Variants in ARHGEF10 observed in about 807,000 individuals in gnomAD.
ARHGEF10 encodes Rho guanine nucleotide exchange factor (GEF) 10.
In ARHGEF10, 140 loss-of-function variants were observed where a neutral mutation model predicts 147.4. The observed-to-expected ratio is 0.95, with a 90% CI of 0.83 to 1.09. The LOEUF (loss-of-function observed/expected upper bound fraction) is 1.09, where lower values mean the gene tolerates loss of function less well. ARHGEF10 is among the 50% of genes least tolerant of loss of function. ARHGEF10 has a pLI of 0.00. For synonymous variants in ARHGEF10, 902 were observed against 695.8 expected, an observed-to-expected ratio of 1.30 and a Z score of -4.67; for missense variants, 2,222 against 1,752.7, an observed-to-expected ratio of 1.27 and a Z score of -4.78.
At chr8:1,889,256 G>A (rs1809162284) in intron 11 of ARHGEF10, among the ~76,000 whole-genome samples, 1 of 52,416 alleles carries the variant, frequency 1.9e-5, no homozygotes, top group African/African-American at 1.3e-4. Flanking sequence ...TGGGATGAGA[G>A]GTGTGAGGAG....
intron 6 of ARHGEF10, among the ~76,000 whole-genome samples, chr8:1,867,852 TG>T (rs1806754934): frequency 6.6e-6 from 1 of 152,264 alleles, no homozygotes; most frequent in African/African-American, 2.4e-5. Flanking sequence ...AACTGCCTCC[TG>T]GAAGTTTTCA....
intron 1 of ARHGEF10, among the ~76,000 whole-genome samples, chr8:1,839,253 CGCTGTGGGTACTGTCT>C (rs1803789295): frequency 8.8e-6 from 1 of 114,206 alleles, no homozygotes. Context: ...GGGGACTGTC[CGCTGTGGGTACTGTCT>C]GGTGTGGAAG....
At chr8:1,950,309 G>T (rs963406196) in intron 27 of ARHGEF10, among the ~76,000 whole-genome samples, 1 of 152,150 alleles carries the variant, frequency 6.6e-6, no homozygotes. Flanking sequence ...GGCACTCACC[G>T]CAGCCTCTGG....
intron 14 of ARHGEF10, 100 bp downstream of exon 14, chr8:1,896,549 A>G (rs2129161732): frequency 1.2e-6 from 1 of 846,988 alleles, no homozygotes; most frequent in South Asian, 1.4e-5. Flanking sequence ...TTAAGATTTC[A>G]GTATCAATAG....
intron 11 of ARHGEF10, among the ~76,000 whole-genome samples, chr8:1,889,155 G>GGGAA (rs1472284012): frequency 1.4e-4 from 15 of 104,496 alleles, no homozygotes; most frequent in African/African-American, 4.6e-4. Flanking sequence ...GGGTTGTGAG[G>GGGAA]AGACGCTGAG....
chr8:1,952,986 G>C (rs1306002951), intron 28 of ARHGEF10, among the ~76,000 whole-genome samples, 159 bp downstream of exon 28: 1 of 152,224 alleles, frequency 6.6e-6, no homozygotes, highest in African/African-American at 2.4e-5. Context: ...TGTTTAATTG[G>C]AATTATCAAT....
At position 1,926,377 on chromosome 8, in the gene ARHGEF10, AT is replaced by A. The variant is rs1367945355; in HGVS notation, c.2613del (p.Ile871MetfsTer12). On this transcript the variant is annotated frameshift_variant and splice_region_variant, in exon 23 of 29. Transcript: ENST00000349830. LOFTEE classifies it high-confidence loss of function. The stretch of plus-strand genomic sequence containing the variant: ...AGCGTTTGATTTTATTCCATTTTAG[AT>A]TGAATGTGCTGCTTATAACCCTGAA... Reference protein sequence around the residue: ...VMVAKQQEFKIECAAYNPEPY... With the variant: ...VMVAKQQEFKXECAAYNPEPY... 3 of 1,613,186 alleles carry A rather than the reference AT, an allele frequency of 1.9e-6. No individual in the cohort carries two copies. Among genetic ancestry groups the A allele is most frequent in the Non-Finnish European group, 2.5e-6 (3 of 1,179,230 alleles).
At chr8:1,950,180 G>A (rs552053371) in intron 27 of ARHGEF10, among the ~76,000 whole-genome samples, 5 of 152,148 alleles carry the variant, frequency 3.3e-5, no homozygotes, top group Admixed American at 1.3e-4. Context: ...CTCCCACCTC[G>A]CCAGCGGACC....
intron 1 of ARHGEF10, chr8:1,826,177 T>C: frequency 6.4e-7 from 1 of 1,550,466 alleles, no homozygotes; most frequent in Non-Finnish European, 8.7e-7. Context: ...TGTAATTCAT[T>C]AGTTGTAGAC....
At chr8:1,833,217 A>T (rs62648759) in intron 1 of ARHGEF10, among the ~76,000 whole-genome samples, 2 of 127,184 alleles carry the variant, frequency 1.6e-5, no homozygotes, top group East Asian at 2.5e-4. Flanking sequence ...CAGAGGCAGA[A>T]GCAGAGGGAT....
chr8:1,871,112 C>CAAAAAAAAAAAA (rs779598908), intron 7 of ARHGEF10: 4 of 78,972 alleles, frequency 5.1e-5, no homozygotes, highest in Admixed American at 1.5e-4. Context: ...AACTCTGTGT[C>CAAAAAAAAAAAA]AAAAAAAAAA....
At chr8:1,945,780 G>T in intron 27 of ARHGEF10, 125 bp downstream of exon 27, 1 of 1,412,132 alleles carries the variant, frequency 7.1e-7, no homozygotes, top group Non-Finnish European at 9.9e-7. Flanking sequence ...ATGCTGCCAG[G>T]TAATGGGGTG....
chr8:1,905,427 C>A, intron 16 of ARHGEF10, 144 bp from the exon 17 acceptor site: 1 of 991,218 alleles, frequency 1.0e-6, no homozygotes, highest in Non-Finnish European at 1.6e-6. Context: ...ATGTTCAGCG[C>A]AGTCACGGGG....
At chr8:1,908,299 C>T (rs1811068911) in intron 17 of ARHGEF10, among the ~76,000 whole-genome samples, 1 of 144,516 alleles carries the variant, frequency 6.9e-6, no homozygotes, top group African/African-American at 2.6e-5. Context: ...GGCTCGATCT[C>T]AGCTCGCTGC....
chr8:1,825,714 C>T (rs1381207458), intron 1 of ARHGEF10, among the ~76,000 whole-genome samples: 1 of 152,148 alleles, frequency 6.6e-6, no homozygotes, highest in Admixed American at 6.5e-5. Flanking sequence ...AGTAGACGAA[C>T]TTGCTGTTGT....
At chr8:1,864,757 G>T (rs1385720579) in intron 5 of ARHGEF10, among the ~76,000 whole-genome samples, 1 of 152,224 alleles carries the variant, frequency 6.6e-6, no homozygotes, top group Non-Finnish European at 1.5e-5. Flanking sequence ...CCTTTGCAGG[G>T]TAAAGCGTCC....
At chr8:1,846,824 A>T (rs1804599502) in intron 2 of ARHGEF10, among the ~76,000 whole-genome samples, 3 of 152,168 alleles carry the variant, frequency 2.0e-5, no homozygotes, top group Admixed American at 6.5e-5. Context: ...TGATCTGCCC[A>T]CGTTGGCCTC....
intron 13 of ARHGEF10, among the ~76,000 whole-genome samples, chr8:1,896,088 A>G (rs1300119148): frequency 6.6e-6 from 1 of 152,198 alleles, no homozygotes; most frequent in Non-Finnish European, 1.5e-5. Context: ...CCAAATTACC[A>G]TGGTTTTGAA....
intron 1 of ARHGEF10, among the ~76,000 whole-genome samples, chr8:1,830,758 G>A (rs893448340): frequency 2.6e-5 from 4 of 152,264 alleles, no homozygotes; most frequent in Middle Eastern, 3.4e-3. Context: ...GGCATACACG[G>A]GGCTACAAGG....
Sources: gnomAD v4.1 joint callset for allele counts (sites outside exome capture counted in the v4.1 genomes callset) on GRCh38, gnomAD v4.1.1 for gene constraint, MANE v1.5 for transcripts, NCBI Gene and HGNC (gene_info 2026-07-23, HGNC 2026-07-21) for gene names.